Variants in PLCL1 observed in about 807,000 individuals in gnomAD.
The protein encoded by PLCL1 is phospholipase C like 1 (inactive), also known as inactive phospholipase C-like protein 1.
In PLCL1, 41 loss-of-function variants were observed where a neutral mutation model predicts 84.4. The observed-to-expected ratio is 0.49, with a 90% CI of 0.38 to 0.63. The LOEUF (loss-of-function observed/expected upper bound fraction) is 0.63. Among genes scored for constraint, PLCL1 ranks in the 30% least tolerant of loss-of-function variants. The pLI is 0.00. For synonymous variants in PLCL1, 490 were observed against 488.3 expected, an observed-to-expected ratio of 1.00 and a Z score of -0.05; for missense variants, 1,206 against 1,367.8, an observed-to-expected ratio of 0.88 and a Z score of 1.87.
intron 1 of PLCL1, among the ~76,000 whole-genome samples, chr2:197,931,159 T>A (rs1213258486): frequency 2.0e-5 from 3 of 152,016 alleles, no homozygotes; most frequent in Non-Finnish European, 2.9e-5. Flanking sequence ...AACTGGGAGG[T>A]GTCTCGGAAG....
chr2:197,988,546 G>A (rs907428274), intron 1 of PLCL1, among the ~76,000 whole-genome samples: 2 of 152,070 alleles, frequency 1.3e-5, no homozygotes, highest in African/African-American at 4.8e-5. Context: ...TGCAAAAGAT[G>A]TTATTTCATT....
chr2:198,060,760 G>A (rs1420440598), intron 1 of PLCL1, among the ~76,000 whole-genome samples: 1 of 152,074 alleles, frequency 6.6e-6, no homozygotes, highest in Non-Finnish European at 1.5e-5. Context: ...ATCACTGTTT[G>A]TTTAAAGAAA....
At chr2:198,005,580 T>A (rs113032184) in intron 1 of PLCL1, among the ~76,000 whole-genome samples, 5 of 152,312 alleles carry the variant, frequency 3.3e-5, no homozygotes, top group African/African-American at 1.2e-4. Flanking sequence ...GATATTATAG[T>A]CTTGAGGGGA....
intron 5 of PLCL1, among the ~76,000 whole-genome samples, chr2:198,131,769 G>T (rs1233155689): frequency 6.6e-6 from 1 of 152,170 alleles, no homozygotes; most frequent in African/African-American, 2.4e-5. Flanking sequence ...ATCAAATGGT[G>T]TGGTTAAAAT....
intron 1 of PLCL1, among the ~76,000 whole-genome samples, chr2:197,821,486 G>A (rs1369872595): frequency 6.6e-6 from 1 of 152,144 alleles, no homozygotes; most frequent in East Asian, 1.9e-4. Flanking sequence ...AGGTGTCTCT[G>A]CTCCGTAAAG....
intron 1 of PLCL1, among the ~76,000 whole-genome samples, chr2:197,872,253 G>A (rs1014197256): frequency 1.3e-5 from 2 of 152,064 alleles, no homozygotes; most frequent in Non-Finnish European, 2.9e-5. Flanking sequence ...TTCCATGCAA[G>A]CAGAGGAAGT....
At chr2:197,864,483 CTTTT>C (rs112456376) in intron 1 of PLCL1, among the ~76,000 whole-genome samples, 7 of 139,390 alleles carry the variant, frequency 5.0e-5, no homozygotes, top group African/African-American at 2.7e-5. Flanking sequence ...CAATAGCATT[CTTTT>C]TTTTTTTTTT....
intron 1 of PLCL1, among the ~76,000 whole-genome samples, chr2:198,051,227 A>G (rs1232211212): frequency 1.3e-5 from 2 of 152,224 alleles, no homozygotes; most frequent in African/African-American, 4.8e-5. Flanking sequence ...AAAACAATCC[A>G]TAGGTTCTAT....
At chr2:197,825,488 A>G (rs1042771719) in intron 1 of PLCL1, among the ~76,000 whole-genome samples, 1 of 152,218 alleles carries the variant, frequency 6.6e-6, no homozygotes, top group African/African-American at 2.4e-5. Flanking sequence ...CCATGAAGAA[A>G]GGGACCACAT....
At chr2:197,858,152 G>A (rs1687363188) in intron 1 of PLCL1, among the ~76,000 whole-genome samples, 1 of 152,144 alleles carries the variant, frequency 6.6e-6, no homozygotes, top group Non-Finnish European at 1.5e-5. Context: ...AAATGAATAT[G>A]TGATCTATTG....
At chr2:198,067,526 A>G (rs11676006) in intron 1 of PLCL1, among the ~76,000 whole-genome samples, 7 of 152,140 alleles carry the variant, frequency 4.6e-5, no homozygotes, top group Non-Finnish European at 1.0e-4. Flanking sequence ...TTCAACATTC[A>G]GTGAGGGAAA....
At chr2:197,817,247 AG>A (rs1690709109) in intron 1 of PLCL1, among the ~76,000 whole-genome samples, 2 of 152,162 alleles carry the variant, frequency 1.3e-5, no homozygotes, top group African/African-American at 4.8e-5. Flanking sequence ...CCAAAAAGAA[AG>A]GGTTCTCCCA....
At chr2:198,040,499 C>A (rs1198998142) in intron 1 of PLCL1, among the ~76,000 whole-genome samples, 4 of 152,090 alleles carry the variant, frequency 2.6e-5, no homozygotes, top group Admixed American at 1.3e-4. Context: ...CAGAGAGGAA[C>A]CCAGCTGTCA....
intron 1 of PLCL1, among the ~76,000 whole-genome samples, chr2:197,841,790 G>A (rs904861211): frequency 1.1e-4 from 17 of 152,114 alleles, no homozygotes; most frequent in Non-Finnish European, 2.2e-4. Context: ...GAAATGTCAA[G>A]GTAACTTCTG....
chr2:197,810,752 T>C (rs1217054138), intron 1 of PLCL1, among the ~76,000 whole-genome samples: 8 of 152,228 alleles, frequency 5.3e-5, no homozygotes, highest in Non-Finnish European at 8.8e-5. Flanking sequence ...ATGAAGGAAT[T>C]GCATCAGTCT....
At chr2:198,043,785 C>T (rs1040002416) in intron 1 of PLCL1, among the ~76,000 whole-genome samples, 3 of 151,750 alleles carry the variant, frequency 2.0e-5, no homozygotes, top group African/African-American at 7.3e-5. Context: ...AGAGTAAGTC[C>T]AAATCTCAGA....
chr2:197,924,086 A>T (rs1038171132), intron 1 of PLCL1, among the ~76,000 whole-genome samples: 17 of 139,778 alleles, frequency 1.2e-4, no homozygotes, highest in Admixed American at 3.0e-4. Flanking sequence ...CAGTGAGCCG[A>T]GATGGCAGCA....
chr2:197,890,204 T>C (rs966538857), intron 1 of PLCL1, among the ~76,000 whole-genome samples: 3 of 152,204 alleles, frequency 2.0e-5, no homozygotes, highest in Non-Finnish European at 4.4e-5. Context: ...ATTGGTATTG[T>C]CAAAATTGAG....
At position 198,085,944 on chromosome 2, in the gene PLCL1, AG is replaced by A. The variant is rs1692866301; in HGVS notation, c.2430del (p.Gln811AsnfsTer29). On this transcript the variant is annotated frameshift_variant, in exon 2 of 6. Transcript: ENST00000428675. LOFTEE classifies it high-confidence loss of function. The surrounding 1 kb of genome is among the most constrained non-coding windows in gnomAD (Gnocchi z 5.3). The stretch of plus-strand genomic sequence containing the variant: ...ATGACTACATTGGGGATGAGTTTAT[AG>A]GGCAATATACGATACCATTTGAATG... Reference protein sequence around the residue: ...DDDYIGDEFIGQYTIPFECLQ... With the variant: ...DDDYIGDEFIXQYTIPFECLQ... 6.2e-7 allele frequency: 1 copy of A among 1,614,050 alleles called. No homozygotes were observed. The highest frequency in any genetic ancestry group is 1.3e-5 in the African/African-American group (1 of 74,930).
Sources: allele counts gnomAD v4.1 joint callset (sites outside exome capture counted in the v4.1 genomes callset), GRCh38; gene constraint gnomAD v4.1.1; non-coding constraint Gnocchi (gnomAD v3.1); transcripts MANE v1.5; gene names NCBI Gene and HGNC (gene_info 2026-07-23, HGNC 2026-07-21).